The following HTR1F variants were observed in gnomAD, a reference collection of about 807,000 sequenced individuals.
The protein encoded by HTR1F is 5-hydroxytryptamine receptor 1F, also known as 5-hydroxytryptamine (serotonin) receptor 1F, G protein-coupled.
A neutral mutation model predicts 24.0 loss-of-function variants in HTR1F; 17 were observed. The observed-to-expected ratio is 0.71, with a 90% CI of 0.48 to 1.06. HTR1F has a LOEUF of 1.06. HTR1F is among the 50% of genes least tolerant of loss of function. HTR1F has a pLI of 0.00. For missense variants in HTR1F, 391 were observed against 427.8 expected, an observed-to-expected ratio of 0.91 and a Z score of 0.76; for synonymous variants, 186 against 156.8, an observed-to-expected ratio of 1.19 and a Z score of -1.39.
intron 2 of HTR1F, among the ~76,000 whole-genome samples, chr3:87,932,360 T>A (rs924303601): frequency 2.0e-5 from 3 of 152,148 alleles, no homozygotes; most frequent in Non-Finnish European, 4.4e-5. Context: ...GTTGTAGATA[T>A]GCAGCGTTAT....
Position 87,991,315 on chromosome 3 carries a change from C to T in HTR1F, c.566C>T (p.Ala189Val). The change falls in exon 3 of 3, where the codon GCT becomes GTT. Residue 189 changes from alanine (A) to valine (V), a missense_variant. By Grantham distance (64) the Ala-to-Val change is moderately conservative. Coordinates refer to ENST00000319595, the MANE Select transcript of HTR1F (RefSeq NM_001322209.2). ...TCCACCATTTACTCAACATTTGGAG[C>T]TTTCTACATCCCACTGGCATTGATT... Reference protein sequence around the residue: ...IVSTIYSTFGAFYIPLALILI... With the variant: ...IVSTIYSTFGVFYIPLALILI... 6.2e-7 allele frequency: 1 copy of T among 1,613,950 alleles called. No homozygotes were observed. The highest frequency in any genetic ancestry group is 8.5e-7 in the Non-Finnish European group (1 of 1,179,950).
intron 2 of HTR1F, among the ~76,000 whole-genome samples, chr3:87,900,792 C>G (rs567087889): frequency 6.6e-6 from 1 of 152,260 alleles, no homozygotes; most frequent in East Asian, 1.9e-4. Context: ...TTGCTACTAA[C>G]CAAGACAGCA....
At chr3:87,801,879 C>T (rs978046283) in intron 1 of HTR1F, among the ~76,000 whole-genome samples, 5 of 152,158 alleles carry the variant, frequency 3.3e-5, no homozygotes, top group African/African-American at 1.2e-4. Context: ...AATACCTAGA[C>T]ATGAAAAGCC....
intron 2 of HTR1F, among the ~76,000 whole-genome samples, chr3:87,829,333 T>C (rs115079499): frequency 1.1e-3 from 168 of 152,340 alleles, no homozygotes; most frequent in Non-Finnish European, 2.0e-3. Flanking sequence ...AGTAATATTG[T>C]ACATTTGTAT....
At chr3:87,987,931 GA>G (rs1043805997) in intron 2 of HTR1F, among the ~76,000 whole-genome samples, 1 of 150,208 alleles carries the variant, frequency 6.7e-6, no homozygotes, top group Admixed American at 6.7e-5. Flanking sequence ...GAGAGACACT[GA>G]AAAAATTGTA....
chr3:87,897,227 A>G (rs1201255258), intron 2 of HTR1F, among the ~76,000 whole-genome samples: 2 of 133,316 alleles, frequency 1.5e-5, no homozygotes, highest in Non-Finnish European at 3.1e-5. Context: ...ACATATATAT[A>G]TAAATGTTTT....
Position 87,834,326 on chromosome 3 carries a change from C to T in HTR1F, c.-43+12202C>T, listed in dbSNP as rs145052901. On this transcript the variant is annotated intron_variant, in intron 2 of 2. Coordinates refer to ENST00000319595, the MANE Select transcript of HTR1F (RefSeq NM_001322209.2). ...GTATGTGTGTATATGTGTATATATGCGCACAAATACTCATATAAATACTCA... is the reference window on the plus strand; with the variant it reads ...GTATGTGTGTATATGTGTATATATGTGCACAAATACTCATATAAATACTCA... Among the ~76,000 whole-genome samples the T allele has an allele frequency of 3.9e-4, 59 of 152,038 alleles. 2 individuals are homozygous for T. The South Asian group carries it at 0.011, about 29-fold the overall frequency.
intron 2 of HTR1F, among the ~76,000 whole-genome samples, chr3:87,985,096 G>A (rs781485718): frequency 8.5e-5 from 13 of 152,140 alleles, no homozygotes; most frequent in Non-Finnish European, 1.6e-4. Context: ...AGCACTTTGG[G>A]AGGCCGAGGC....
intron 2 of HTR1F, among the ~76,000 whole-genome samples, chr3:87,877,440 A>G (rs1375014062): frequency 6.6e-6 from 1 of 152,140 alleles, no homozygotes; most frequent in Non-Finnish European, 1.5e-5. Flanking sequence ...TTCCAAAACT[A>G]TAAATGGGGG....
chr3:87,955,128 G>A (rs1295072110), intron 2 of HTR1F, among the ~76,000 whole-genome samples: 1 of 151,334 alleles, frequency 6.6e-6, no homozygotes, highest in Admixed American at 6.6e-5. Context: ...TAATAGTTGT[G>A]TATATCCTGA....
At chr3:87,987,632 T>A (rs867045961) in intron 2 of HTR1F, among the ~76,000 whole-genome samples, 18 of 35,010 alleles carry the variant, frequency 5.1e-4, no homozygotes, top group South Asian at 1.5e-3. Flanking sequence ...ATATATATAA[T>A]ATATGTATTT....
chr3:87,892,000 A>G (rs1374876442), intron 2 of HTR1F, among the ~76,000 whole-genome samples: 2 of 152,172 alleles, frequency 1.3e-5, no homozygotes, highest in Admixed American at 1.3e-4. Flanking sequence ...ACATAGTAGT[A>G]TCTTCTCTTC....
At chr3:87,971,559 A>AAAAAT (rs1306266331) in intron 2 of HTR1F, among the ~76,000 whole-genome samples, 3 of 152,274 alleles carry the variant, frequency 2.0e-5, no homozygotes, top group East Asian at 1.9e-4. Context: ...ACCCTATCTC[A>AAAAAT]AAAATAAAAT....
chr3:87,795,047 G>T (rs1703881695), intron 1 of HTR1F, among the ~76,000 whole-genome samples: 1 of 125,004 alleles, frequency 8.0e-6, no homozygotes, highest in Non-Finnish European at 1.6e-5. Flanking sequence ...GAGTGCAGTT[G>T]CACAATCTCG....
chr3:87,898,919 T>C (rs1481105181), intron 2 of HTR1F, among the ~76,000 whole-genome samples: 3 of 152,180 alleles, frequency 2.0e-5, no homozygotes, highest in Admixed American at 6.5e-5. Context: ...TTTGTGTATG[T>C]TTTTCCTACC....
intron 2 of HTR1F, among the ~76,000 whole-genome samples, chr3:87,885,306 C>T (rs1204763143): frequency 6.6e-6 from 1 of 152,086 alleles, no homozygotes; most frequent in Non-Finnish European, 1.5e-5. Context: ...GAAAAAAAGA[C>T]ACAACGAACC....
rs112005605 is a variant in HTR1F at position 87,951,272 on chromosome 3, G to A, written c.-42-39436G>A. ...ATATTATTTATAACAGCATTACCACGAAGAACAATAGTTATATATTAAAGT... is the reference window on the plus strand; with the variant it reads ...ATATTATTTATAACAGCATTACCACAAAGAACAATAGTTATATATTAAAGT... On this transcript the variant is annotated intron_variant, in intron 2 of 2. Transcript: ENST00000319595. Among the ~76,000 whole-genome samples the A allele has an allele frequency of 3.9e-3, 601 of 152,188 alleles. 6 individuals carry two copies. The highest frequency in any genetic ancestry group is 0.013 in the African/African-American group (547 of 41,540).
At position 87,850,902 on chromosome 3, in the gene HTR1F, C is replaced by T. The variant is rs1322202487; in HGVS notation, c.-43+28778C>T. Among the ~76,000 whole-genome samples, 7 of 150,062 alleles carry T rather than the reference C, an allele frequency of 4.7e-5. No homozygotes were observed. In the South Asian group the frequency reaches 1.2e-3, roughly 27 times the overall value. On this transcript the variant is annotated intron_variant, in intron 2 of 2. Transcript: ENST00000319595. ...TCTGGAATTAGGTGATTTTTGTTTT[C>T]TTCATCACAGTTTTTTATTTACCTA...
At chr3:87,923,253 TG>T (rs1365071844) in intron 2 of HTR1F, among the ~76,000 whole-genome samples, 1 of 152,062 alleles carries the variant, frequency 6.6e-6, no homozygotes, top group Non-Finnish European at 1.5e-5. Flanking sequence ...TGAAGTCTTT[TG>T]TGGTTTCCAT....
Sources: allele counts gnomAD v4.1 joint callset (sites outside exome capture counted in the v4.1 genomes callset), GRCh38; gene constraint gnomAD v4.1.1; transcripts MANE v1.5; gene names NCBI Gene and HGNC (gene_info 2026-07-23, HGNC 2026-07-21).